CABIN1: variants seen among roughly 807,000 people sequenced by gnomAD.
CABIN1 encodes calcineurin-binding protein cabin-1.
A neutral mutation model predicts 227.7 loss-of-function variants in CABIN1; 133 were observed. The ratio of observed to expected loss-of-function variants is 0.58; its 90% CI spans 0.51 to 0.67. The LOEUF is 0.67. Among genes scored for constraint, CABIN1 ranks in the 30% least tolerant of loss-of-function variants. CABIN1 has a pLI of 0.00. For missense variants in CABIN1, 2,408 were observed against 2,852.5 expected, an observed-to-expected ratio of 0.84 and a Z score of 3.55; for synonymous variants, 1,086 against 1,155.1, an observed-to-expected ratio of 0.94 and a Z score of 1.21.
chr22:24,094,246 C>T (rs1279005994), intron 24 of CABIN1, among the ~76,000 whole-genome samples: 1 of 152,198 alleles, frequency 6.6e-6, no homozygotes, highest in East Asian at 1.9e-4. Context: ...AAGATGATGT[C>T]AACTCTGTTT....
intron 29 of CABIN1, among the ~76,000 whole-genome samples, chr22:24,149,526 G>T (rs1041669270): frequency 6.6e-6 from 1 of 152,228 alleles, no homozygotes; most frequent in Non-Finnish European, 1.5e-5. Flanking sequence ...AGATGGATCA[G>T]GGCCAATTGA....
At chr22:24,059,626 A>T (rs1226461502) in intron 11 of CABIN1, among the ~76,000 whole-genome samples, 5 of 152,180 alleles carry the variant, frequency 3.3e-5, no homozygotes, top group Admixed American at 3.3e-4. Flanking sequence ...ACACCTGTTG[A>T]GTGTGTATCA....
At chr22:24,093,943 G>T (rs768584118) in intron 24 of CABIN1, among the ~76,000 whole-genome samples, 1 of 152,208 alleles carries the variant, frequency 6.6e-6, no homozygotes, top group Non-Finnish European at 1.5e-5. Flanking sequence ...GAGAAGTGTG[G>T]AAACACAGCT....
chr22:24,043,174 T>A, intron 6 of CABIN1, 90 bp downstream of exon 6: 1 of 1,181,568 alleles, frequency 8.5e-7, no homozygotes, highest in Non-Finnish European at 1.3e-6. Context: ...AAGCCAAAGT[T>A]AACACTGAAG....
intron 1 of CABIN1, among the ~76,000 whole-genome samples, chr22:24,031,303 G>A (rs2036477446): frequency 1.3e-5 from 2 of 152,220 alleles, no homozygotes; most frequent in African/African-American, 2.4e-5. Flanking sequence ...AAAAGTCAGT[G>A]TGGGTGTGAC....
chr22:24,135,854 C>T (rs567201773), intron 29 of CABIN1, among the ~76,000 whole-genome samples: 32 of 152,286 alleles, frequency 2.1e-4, no homozygotes, highest in African/African-American at 5.5e-4. Context: ...GGCAGGTCCC[C>T]GCTGAGAGCC....
rs116461319 is a variant in CABIN1 at position 24,043,961 on chromosome 22, G to C, written c.526+877G>C. Among the ~76,000 whole-genome samples the C allele has an allele frequency of 9.6e-3, 1,466 of 152,226 alleles. 30 individuals carry two copies. Among genetic ancestry groups the C allele is most frequent in the African/African-American group, 0.033 (1,378 of 41,532 alleles). On this transcript the variant is annotated intron_variant, in intron 6 of 36. Transcript: ENST00000263119. Reference sequence around the variant, plus strand: ...AATAGGAAAGCAGGAAAGTGTGATGGGTCCCAAAACTTAGCAAACTTAGCA... The same window carrying C: ...AATAGGAAAGCAGGAAAGTGTGATGCGTCCCAAAACTTAGCAAACTTAGCA...
In CABIN1 at chr22:24,085,080, T is replaced by C. The variant is rs2041063603; in HGVS notation, c.3192T>C (p.Tyr1064=). The change falls in exon 22 of 37, where the codon TAT becomes TAC. Residue 1064 remains tyrosine (Y), a synonymous_variant. Transcript: ENST00000263119. ...AGCTTTACTACCTCCTGGCTGATTATCATTTCAAAAACAAGGAGCAGTCCA... is the reference window on the plus strand; with the variant it reads ...AGCTTTACTACCTCCTGGCTGATTACCATTTCAAAAACAAGGAGCAGTCCA... ...VNELYYLLAD[Y]HFKNKEQSKA... 12 of 1,614,158 alleles carry C rather than the reference T, an allele frequency of 7.4e-6. No homozygotes were observed. Among genetic ancestry groups the C allele is most frequent in the Admixed American group, 1.7e-5 (1 of 60,022 alleles).
At position 24,119,416 on chromosome 22, in the gene CABIN1, G is replaced by A; in HGVS notation, c.4350G>A (p.Glu1450=). Residue 1450 remains glutamate, a synonymous_variant, in exon 28 of 37, where the codon GAG becomes GAA. Coordinates refer to ENST00000263119, the MANE Select transcript of CABIN1 (RefSeq NM_012295.4). ...GTACAGAAGGCTTCCGGGCTGCAGA[G>A]CAAGGTGTCCAGAAGCCTGCTGCAG... is the stretch of plus-strand genomic sequence containing the variant. The part of the protein sequence containing the change: ...LESTEGFRAA[E]QGVQKPAAET... The A allele has an allele frequency of 1.2e-6, 2 of 1,614,068 alleles. No individual in the cohort carries two copies. The highest frequency in any genetic ancestry group is 1.7e-6 in the Non-Finnish European group (2 of 1,180,030).
chr22:24,047,811 G>C (rs2038015436), intron 6 of CABIN1, among the ~76,000 whole-genome samples: 2 of 152,240 alleles, frequency 1.3e-5, no homozygotes, highest in Non-Finnish European at 2.9e-5. Context: ...CTTGATAGGA[G>C]TGACTTGCAG....
chr22:24,042,838 G>GTGTGTGTGTTTGCCCTCTGCT lies in CABIN1; in HGVS notation c.346-57_346-56insTTGCCCTCTGCTTGTGTGTGT, dbSNP rs2037509898. ...TCTGACTGTGTGTGTGTGTGTGTGT[G>GTGTGTGTGTTTGCCCTCTGCT]TGTGTGTGTGTGTGTGTGTGTGTGT... On this transcript the variant is annotated intron_variant, in intron 5 of 36. Transcript: ENST00000263119. 3 of 697,314 alleles carry GTGTGTGTGTTTGCCCTCTGCT rather than the reference G, an allele frequency of 4.3e-6. No individual in the cohort carries two copies. In the African/African-American group the frequency reaches 5.4e-5, roughly 13 times the overall value. The allele number at this position is 697,314 out of a possible 1,614,324, so 43.2% of individuals were successfully genotyped here. A position where few individuals can be genotyped will look rare whatever the true frequency, so the allele number is the denominator to read the frequency against.
chr22:24,139,871 A>C (rs1285359468), intron 29 of CABIN1, among the ~76,000 whole-genome samples: 4 of 152,266 alleles, frequency 2.6e-5, no homozygotes. Flanking sequence ...CTCCAAGCTC[A>C]TTCTCCTGGA....
chr22:24,172,040 C>T, intron 34 of CABIN1, 45 bp downstream of exon 34: 1 of 1,586,860 alleles, frequency 6.3e-7, no homozygotes, highest in Non-Finnish European at 8.5e-7. Context: ...CCCCTGCCAC[C>T]ATCAAGTCCT....
chr22:24,117,305 G>A (rs1483450578), intron 27 of CABIN1, among the ~76,000 whole-genome samples: 1 of 152,110 alleles, frequency 6.6e-6, no homozygotes, highest in Non-Finnish European at 1.5e-5. Flanking sequence ...TGAGCTCAAG[G>A]ATCCTCCTGC....
At chr22:24,085,826 A>C (rs1429957834) in intron 22 of CABIN1, among the ~76,000 whole-genome samples, 5 of 152,152 alleles carry the variant, frequency 3.3e-5, no homozygotes, top group African/African-American at 1.2e-4. Context: ...CCTTGGGTGA[A>C]GGTCAAAAGG....
rs541647754 is a variant in CABIN1, at chr22:24,082,312, T to A, written c.2749-916T>A. ...ACTTTGTTGCCCAGGCTGGTTTCAG[T>A]CTCCTGGGCTCAAGCGATCCTCCCA... is the stretch of plus-strand genomic sequence containing the variant. On this transcript the variant is annotated intron_variant, in intron 19 of 36. Transcript: ENST00000263119. Among the ~76,000 whole-genome samples the A allele has an allele frequency of 4.6e-5, 7 of 152,086 alleles. No homozygotes were observed. The South Asian group carries it at 1.5e-3, about 32-fold the overall frequency.
At chr22:24,169,276 T>C (rs766854976) in intron 33 of CABIN1, among the ~76,000 whole-genome samples, 5 of 152,000 alleles carry the variant, frequency 3.3e-5, no homozygotes, top group Non-Finnish European at 5.9e-5. Context: ...GGCATGCCAT[T>C]TGAGTAGGTG....
intron 10 of CABIN1, among the ~76,000 whole-genome samples, chr22:24,058,168 A>G (rs2038938835): frequency 1.3e-5 from 2 of 152,290 alleles, no homozygotes; most frequent in South Asian, 2.1e-4. Flanking sequence ...ACAGGTGCAC[A>G]CCACTATGCC....
chr22:24,108,169 G>A (rs1324814186), intron 26 of CABIN1, among the ~76,000 whole-genome samples: 1 of 152,198 alleles, frequency 6.6e-6, no homozygotes, highest in African/African-American at 2.4e-5. Flanking sequence ...AACCTGAAGT[G>A]GGGGCCTAGA....
Sources: allele counts gnomAD v4.1 joint callset (sites outside exome capture counted in the v4.1 genomes callset), GRCh38; gene constraint gnomAD v4.1.1; transcripts MANE v1.5; gene names NCBI Gene and HGNC (gene_info 2026-07-23, HGNC 2026-07-21).